The following UVSSA variants were observed in gnomAD, a reference collection of about 807,000 sequenced individuals.
UVSSA encodes UV-stimulated scaffold protein A.
UVSSA carries 72 observed loss-of-function variants against 73.9 expected under a neutral mutation model. That is an observed-to-expected ratio of 0.97 (90% CI 0.81 to 1.19). UVSSA has a LOEUF of 1.19. UVSSA is among the 50% of genes most tolerant of loss of function. The probability of loss-of-function intolerance (pLI) is 0.00; values close to 1 mark genes in which losing one functional copy is unlikely to be tolerated. For synonymous variants in UVSSA, 454 were observed against 391.3 expected (o/e 1.16, Z -1.89); for missense variants, 1,150 against 965.0 (o/e 1.19, Z -2.54).
rs757116685 is a variant in UVSSA, at chr4:1,385,940, G to A, written c.2109G>A (p.Gln703=). The A allele has an allele frequency of 2.5e-6, 4 of 1,613,948 alleles. No individual in the cohort carries two copies. Among genetic ancestry groups the A allele is most frequent in the Admixed American group, 1.7e-5 (1 of 60,008 alleles). ...AGAAGCACGAGAAGTTTTCAAACCA[G>A]TTTAACTACGCACTGAACTAGAGAG... is the stretch of plus-strand genomic sequence containing the variant. The part of the protein sequence containing the change: ...DQKKHEKFSN[Q]FNYALN The change falls in exon 14 of 14, where the codon CAG becomes CAA. Residue 703 remains glutamine, a synonymous_variant. Coordinates refer to ENST00000389851, the MANE Select transcript of UVSSA (RefSeq NM_020894.4).
chr4:1,368,043 C>T (rs1003943767), intron 8 of UVSSA, among the ~76,000 whole-genome samples: 9 of 152,258 alleles, frequency 5.9e-5, no homozygotes, highest in Non-Finnish European at 1.0e-4. Context: ...GTCCAGCCCC[C>T]GGAGCATGGT....
rs574965437 is a variant in UVSSA at position 1,349,555 on chromosome 4, C to G, written c.130C>G (p.Arg44Gly). 1.2e-6 allele frequency: 2 copies of G among 1,613,674 alleles called. No individual in the cohort carries two copies. The change falls in exon 3 of 14, where the codon CGC (arginine) becomes GGC (glycine). Residue 44 changes from arginine to glycine, a missense_variant. By Grantham distance (125) the Arg-to-Gly change is moderately radical. Transcript: ENST00000389851. ...SSEEQLSRAYRLLIAQLTQEH... is the reference protein window; with the variant it reads ...SSEEQLSRAYGLLIAQLTQEH... ...AGAGGAGCAGCTGAGCCGCGCCTAC[C>G]GCCTGCTGATAGCACAGCTGACCCA...
chr4:1,395,121 C>G, exon 14 of UVSSA: 1 of 1,307,880 alleles, frequency 7.6e-7, no homozygotes, highest in Non-Finnish European at 1.1e-6. Context: ...TCACACGTGC[C>G]GATGTGGAGT....
At position 1,372,869 on chromosome 4, in the gene UVSSA, C is replaced by T. The variant is rs113063182; in HGVS notation, c.1289-2495C>T. On this transcript the variant is annotated intron_variant, in intron 8 of 13. Coordinates refer to ENST00000389851, the MANE Select transcript of UVSSA (RefSeq NM_020894.4). ...CTCACCTCCCGCGTCCCTGCACTCACCTCCCGCGTCTCAGGGCACTCACCT... is the reference window on the plus strand; with the variant it reads ...CTCACCTCCCGCGTCCCTGCACTCATCTCCCGCGTCTCAGGGCACTCACCT... Among the ~76,000 whole-genome samples, 19 of 134,864 alleles carry T rather than the reference C, an allele frequency of 1.4e-4. 1 individual carries two copies. The highest frequency in any genetic ancestry group is 6.0e-4 in the Admixed American group (8 of 13,288). 88.5% of individuals were successfully genotyped at this position (134,864 alleles called of 152,430 possible). A position where few individuals can be genotyped will look rare whatever the true frequency, so the allele number is the denominator to read the frequency against.
At chr4:1,370,195 C>G (rs189447833) in intron 8 of UVSSA, among the ~76,000 whole-genome samples, 1 of 152,176 alleles carries the variant, frequency 6.6e-6, no homozygotes, top group African/African-American at 2.4e-5. Context: ...CTTTTGGCTG[C>G]GATTGTATCT....
chr4:1,394,251 C>A, exon 14 of UVSSA: 1 of 705,820 alleles, frequency 1.4e-6, no homozygotes, highest in Non-Finnish European at 2.3e-6. Flanking sequence ...GTGGGCATCT[C>A]GTTCCTCAGA....
At position 1,380,970 on chromosome 4, in the gene UVSSA, C is replaced by T. The variant is rs1442705397; in HGVS notation, c.1843C>T (p.Gln615Ter). 1.2e-6 allele frequency: 2 copies of T among 1,612,578 alleles called. No homozygotes were observed. Among genetic ancestry groups the T allele is most frequent in the Non-Finnish European group, 8.5e-7 (1 of 1,179,874 alleles). Residue 615 changes from glutamine to a stop codon, truncating the protein, a stop_gained, in exon 12 of 14, where the codon CAG becomes TAG. Coordinates refer to ENST00000389851, the MANE Select transcript of UVSSA (RefSeq NM_020894.4). LOFTEE classifies it high-confidence loss of function. The stretch of plus-strand genomic sequence containing the variant: ...GGCTCGTGAGCAGCGGCGGCAGCTG[C>T]AGAAGCAGGAGCGCCCGGGTAGGTC... ...DRAREQRRQL[Q>*]KQERPEWQDP...
intron 7 of UVSSA, among the ~76,000 whole-genome samples, chr4:1,365,699 T>C (rs1251868846): frequency 1.3e-5 from 2 of 152,242 alleles, no homozygotes; most frequent in Non-Finnish European, 2.9e-5. Flanking sequence ...CCTGACATGC[T>C]GTGGTCACAC....
rs142178147 is a variant in UVSSA, at chr4:1,372,815, AGG to A, written c.1289-2547_1289-2546del. 7.9e-3 allele frequency among the ~76,000 whole-genome samples: 217 copies of A among 27,608 alleles called. 14 individuals are homozygous for A. Among genetic ancestry groups the A allele is most frequent in the African/African-American group, 0.04 (108 of 2,704 alleles). The allele number at this position is 27,608 out of a possible 152,430, so 18.1% of individuals were successfully genotyped here. Reference sequence around the variant, plus strand: ...TCCCTGCACTCACCTCCCGCGTCTCAGGGCACTCACCTCCCGCGTCTCAGGGC... The same window carrying A: ...TCCCTGCACTCACCTCCCGCGTCTCAGCACTCACCTCCCGCGTCTCAGGGC... On this transcript the variant is annotated intron_variant, in intron 8 of 13. Transcript: ENST00000389851.
intron 4 of UVSSA, among the ~76,000 whole-genome samples, 155 bp from the exon 5 acceptor site, chr4:1,352,875 G>T (rs1577290706): frequency 1.3e-5 from 2 of 152,262 alleles, no homozygotes; most frequent in East Asian, 1.9e-4. Flanking sequence ...AGCCTGGAAG[G>T]TCGAGGCTGG....
At chr4:1,364,858 G>GAGGGAGCTGAAGGTGAGGA (rs1717110223) in intron 7 of UVSSA, among the ~76,000 whole-genome samples, 2 of 152,208 alleles carry the variant, frequency 1.3e-5, no homozygotes, top group South Asian at 4.1e-4. Flanking sequence ...CTCCTGGCCT[G>GAGGGAGCTGAAGGTGAGGA]AGGGAGCTGA....
chr4:1,355,237 A>G lies in UVSSA; in HGVS notation c.1168A>G (p.Arg390Gly), dbSNP rs751674789. 1.3e-5 allele frequency: 21 copies of G among 1,608,156 alleles called. No individual in the cohort carries two copies. The South Asian group carries it at 1.8e-4, about 14-fold the overall frequency. The change falls in exon 7 of 14, where the codon AGG (arginine) becomes GGG (glycine). Residue 390 changes from arginine to glycine, a missense_variant. By Grantham distance (125) the Arg-to-Gly change is moderately radical (BLOSUM62 -2). Transcript: ENST00000389851. Reference protein sequence around the residue: ...ELDIEPEGGERRRTEALGDAE... With the variant: ...ELDIEPEGGEGRRTEALGDAE... The stretch of plus-strand genomic sequence containing the variant: ...GGACATCGAGCCTGAGGGAGGGGAA[A>G]GGCGCAGGGTGAGTGGGCAGGCGGC...
intron 10 of UVSSA, among the ~76,000 whole-genome samples, chr4:1,379,761 GGC>G (rs879875577): frequency 0.63 from 95,291 of 151,442 alleles, 36,447 homozygotes; most frequent in Admixed American, 0.68. Flanking sequence ...TGGTTCACGT[GGC>G]GTCAGAATTC....
chr4:1,363,763 C>T (rs1716959805), intron 7 of UVSSA, among the ~76,000 whole-genome samples: 1 of 152,216 alleles, frequency 6.6e-6, no homozygotes, highest in Non-Finnish European at 1.5e-5. Flanking sequence ...CTGTCATTTC[C>T]AAAGAGTATA....
intron 8 of UVSSA, among the ~76,000 whole-genome samples, chr4:1,373,009 C>T (rs1577353869): frequency 6.6e-6 from 1 of 152,220 alleles, no homozygotes; most frequent in East Asian, 1.9e-4. Flanking sequence ...CATGGCAAAC[C>T]TCAAAAGGCC....
chr4:1,342,375 A>G (rs1050523356), upstream of UVSSA, among the ~76,000 whole-genome samples: 2 of 152,202 alleles, frequency 1.3e-5, no homozygotes, highest in Admixed American at 6.5e-5. Flanking sequence ...TGTAATTTAC[A>G]TATTTGTCTA....
intron 1 of UVSSA, 121 bp from the exon 2 acceptor site, chr4:1,347,969 C>A: frequency 1.3e-6 from 1 of 785,404 alleles, no homozygotes; most frequent in Non-Finnish European, 2.1e-6. Context: ...ACAGATGGAC[C>A]CCAGCCTCAG....
Position 1,362,146 on chromosome 4 carries a change from G to A in UVSSA, c.1177-4174G>A, listed in dbSNP as rs149781735. 7.1e-3 allele frequency among the ~76,000 whole-genome samples: 1,077 copies of A among 152,278 alleles called. 8 individuals carry two copies. Among genetic ancestry groups the A allele is most frequent in the Middle Eastern group, 0.02 (6 of 294 alleles). Reference sequence around the variant, plus strand: ...TTATTGCTTGTTTAATTATGATCGTGGAGGCTCATTTTTCTAAATCCTTTT... The same window carrying A: ...TTATTGCTTGTTTAATTATGATCGTAGAGGCTCATTTTTCTAAATCCTTTT... On this transcript the variant is annotated intron_variant, in intron 7 of 13. Transcript: ENST00000389851.
chr4:1,373,861 G>A (rs983939681), intron 8 of UVSSA, among the ~76,000 whole-genome samples: 1 of 152,102 alleles, frequency 6.6e-6, no homozygotes, highest in Non-Finnish European at 1.5e-5. Context: ...CACCCAACAA[G>A]TCCTCTGCAC....
Sources: gnomAD v4.1 joint callset for allele counts (sites outside exome capture counted in the v4.1 genomes callset) on GRCh38, gnomAD v4.1.1 for gene constraint, MANE v1.5 for transcripts, NCBI Gene and HGNC (gene_info 2026-07-23, HGNC 2026-07-21) for gene names.